Variants in VMA12 observed in about 807,000 individuals in gnomAD.
The protein encoded by VMA12 is vacuolar ATPase assembly factor VMA12, also known as vacuolar ATPase assembly protein VMA12.
chr17:28,359,370 A>T, the VMA12 span: 5 of 1,614,004 alleles, frequency 3.1e-6, no homozygotes, highest in African/African-American at 6.7e-5. Flanking sequence ...GCCAATGAGG[A>T]ATATAAACGG....
At chr17:28,360,374 G>A in the VMA12 span, 5 of 675,636 alleles carry the variant, frequency 7.4e-6, no homozygotes, top group African/African-American at 1.8e-5. Flanking sequence ...TGCCTGCTCT[G>A]TAGTCCAGAA....
At chr17:28,360,732 A>C in the VMA12 span, 21 of 1,613,988 alleles carry the variant, frequency 1.3e-5, no homozygotes, top group Non-Finnish European at 1.7e-5. Flanking sequence ...CTCCTCCCCA[A>C]AGTGAGATCA....
the VMA12 span, chr17:28,360,289 A>G: frequency 2.0e-5 from 9 of 452,478 alleles, 1 homozygote; most frequent in East Asian, 3.7e-4. Context: ...AGGGCTCCCT[A>G]CTACTCTATG....
chr17:28,358,894 T>C, the VMA12 span: 2 of 1,598,208 alleles, frequency 1.3e-6, no homozygotes, highest in Non-Finnish European at 1.7e-6. Context: ...ATCATTGTGT[T>C]TGTGAAACCT....
At chr17:28,361,953 A>G in the VMA12 span, 1 of 152,412 alleles carries the variant, frequency 6.6e-6, no homozygotes, top group Non-Finnish European at 1.5e-5. Flanking sequence ...AAGTCTTGTA[A>G]TGTTTAACTT....
At chr17:28,360,918 A>C in the VMA12 span, 1 of 1,336,520 alleles carries the variant, frequency 7.5e-7, no homozygotes, top group Non-Finnish European at 1.1e-6. Context: ...ACGTATGTGA[A>C]AGTGCCTTGC....
At chr17:28,362,693 G>A in the VMA12 span, 1 of 152,244 alleles carries the variant, frequency 6.6e-6, no homozygotes, top group Non-Finnish European at 1.5e-5. Context: ...AGCTACTCAG[G>A]AGGCTAAGGT....
At chr17:28,357,953 T>A in the VMA12 span, 1 of 1,509,328 alleles carries the variant, frequency 6.6e-7, no homozygotes, top group Non-Finnish European at 9.1e-7. Flanking sequence ...TCTTTTCCCA[T>A]CATTCCCCTT....
the VMA12 span, chr17:28,363,481 C>T: frequency 2.0e-5 from 3 of 152,068 alleles, no homozygotes; most frequent in Non-Finnish European, 2.9e-5. Flanking sequence ...CGTCCCCGTT[C>T]GTTTGCAGAG....
chr17:28,361,355 A>T, the VMA12 span: 7 of 1,121,550 alleles, frequency 6.2e-6, no homozygotes, highest in African/African-American at 1.5e-5. Context: ...ATTCAGCTCC[A>T]GTTAGTCAGA....
the VMA12 span, chr17:28,359,043 A>G: frequency 1.7e-5 from 25 of 1,458,410 alleles, no homozygotes; most frequent in South Asian, 1.2e-4. Context: ...GGGCTTATCC[A>G]TGATACACTG....
the VMA12 span, chr17:28,358,928 A>G: frequency 6.2e-7 from 1 of 1,610,634 alleles, no homozygotes; most frequent in Non-Finnish European, 8.5e-7. Context: ...TCCAAACTAT[A>G]CCTCCATGAG....
chr17:28,360,583 G>A, the VMA12 span: 1 of 1,614,186 alleles, frequency 6.2e-7, no homozygotes, highest in South Asian at 1.1e-5. Flanking sequence ...TGAGGTACTA[G>A]GAGATCAGGC....
the VMA12 span, chr17:28,359,049 C>A: frequency 7.0e-7 from 1 of 1,426,882 alleles, no homozygotes; most frequent in Non-Finnish European, 9.6e-7. Context: ...ATCCATGATA[C>A]ACTGAACTTA....
the VMA12 span, chr17:28,361,073 G>T: frequency 3.0e-6 from 4 of 1,345,916 alleles, no homozygotes; most frequent in African/African-American, 1.4e-5. Context: ...GTGGTTGGGG[G>T]GCTCTCCATC....
the VMA12 span, chr17:28,358,524 A>G: frequency 4.2e-6 from 2 of 475,450 alleles, no homozygotes; most frequent in African/African-American, 2.0e-5. Context: ...AGACTGCTCA[A>G]TTATTAGAAC....
At chr17:28,363,210 T>C in the VMA12 span, 5 of 152,050 alleles carry the variant, frequency 3.3e-5, no homozygotes, top group East Asian at 9.7e-4. Context: ...AACACCATGG[T>C]TTTCTCTCCA....
chr17:28,361,399 G>A, the VMA12 span: 5 of 679,486 alleles, frequency 7.4e-6, no homozygotes, highest in South Asian at 9.3e-5. Flanking sequence ...TTTCTGTGGG[G>A]AGCCCTAATC....
chr17:28,359,009 G>C, the VMA12 span: 1 of 1,590,102 alleles, frequency 6.3e-7, no homozygotes, highest in African/African-American at 1.4e-5. Flanking sequence ...GGATATGTTT[G>C]TGAGAGTGGT....
Sources: gnomAD v4.1 joint callset for allele counts on GRCh38, gnomAD v4.1.1 for gene constraint, MANE v1.5 for transcripts, NCBI Gene and HGNC (gene_info 2026-07-23, HGNC 2026-07-21) for gene names.